Variants in SASH1 observed in about 807,000 individuals in gnomAD.
SASH1 encodes SAM and SH3 domain containing 1.
A neutral mutation model predicts 125.2 loss-of-function variants in SASH1; 44 were observed. That is an observed-to-expected ratio of 0.35 (90% confidence interval 0.28 to 0.45). The LOEUF (loss-of-function observed/expected upper bound fraction) is 0.45. SASH1 is among the 20% of genes least tolerant of loss of function. SASH1 has a pLI of 1.00. For missense variants in SASH1, 1,426 were observed against 1,614.5 expected (o/e 0.88, Z 2.00); for synonymous variants, 639 against 649.1 (o/e 0.98, Z 0.24).
At chr6:148,409,872 G>A (rs1301618071) in intron 2 of SASH1, among the ~76,000 whole-genome samples, 2 of 151,932 alleles carry the variant, frequency 1.3e-5, no homozygotes, top group South Asian at 2.1e-4. Context: ...AGGCAGAGGC[G>A]AGGCTGCAGT....
At chr6:148,488,875 C>T (rs2115212262) in intron 8 of SASH1, among the ~76,000 whole-genome samples, 1 of 152,256 alleles carries the variant, frequency 6.6e-6, no homozygotes, top group East Asian at 1.9e-4. Flanking sequence ...GGATATTAAT[C>T]CCTTATCAGA....
chr6:148,358,021 C>T (rs372420936), intron 1 of SASH1, among the ~76,000 whole-genome samples: 9 of 136,794 alleles, frequency 6.6e-5, no homozygotes, highest in Admixed American at 5.0e-4. Flanking sequence ...GATTGCACCG[C>T]AGCACTCCAG....
chr6:148,412,851 A>T (rs1784681074), intron 2 of SASH1, among the ~76,000 whole-genome samples: 1 of 152,192 alleles, frequency 6.6e-6, no homozygotes, highest in South Asian at 2.1e-4. Context: ...AATACAGAGA[A>T]AGGGTCATAG....
chr6:148,263,800 G>A, the SASH1 span, among the ~76,000 whole-genome samples: 5,453 of 152,230 alleles, frequency 0.036, 225 homozygotes, highest in Admixed American at 0.097. Flanking sequence ...ATCTAACTCC[G>A]TGTTAGAAGG....
the SASH1 span, among the ~76,000 whole-genome samples, chr6:148,214,272 C>A: frequency 6.6e-6 from 1 of 152,236 alleles, no homozygotes; most frequent in South Asian, 2.1e-4. Context: ...AAAAAATAGG[C>A]ATGTTCGTAC....
chr6:148,507,757 C>G (rs561188299), intron 8 of SASH1, among the ~76,000 whole-genome samples: 1 of 152,150 alleles, frequency 6.6e-6, no homozygotes, highest in Admixed American at 6.5e-5. Context: ...TCCTGTGTAG[C>G]TAGGTATTTT....
chr6:148,423,803 C>T (rs997363079), intron 2 of SASH1, among the ~76,000 whole-genome samples: 2 of 152,120 alleles, frequency 1.3e-5, no homozygotes, highest in African/African-American at 4.8e-5. Context: ...AATGTTTGTT[C>T]AGTTGTAGGC....
intron 1 of SASH1, among the ~76,000 whole-genome samples, chr6:148,335,464 CAAAAAAAAA>C (rs534202487): frequency 1.3e-5 from 1 of 79,910 alleles, no homozygotes; most frequent in Non-Finnish European, 2.5e-5. Context: ...GACTCTGTCT[CAAAAAAAAA>C]AAAAAAAAAA....
At position 148,343,148 on chromosome 6, in the gene SASH1, G is replaced by GGAACCGGAGCCC; in HGVS notation, c.82_93dup (p.Glu28_Pro31dup). On this transcript the variant is annotated inframe_insertion, in exon 1 of 20. Coordinates refer to ENST00000367467, the MANE Select transcript of SASH1 (RefSeq NM_015278.5). The stretch of plus-strand genomic sequence containing the variant: ...CGGAGCCCGAGCCCGCGCCGGAGCC[G>GGAACCGGAGCCC]GAACCGGAGCCCAAGCCGGGTGCTG... The GGAACCGGAGCCC allele has an allele frequency of 6.3e-7, 1 of 1,598,610 alleles. No individual in the cohort carries two copies. The highest frequency in any genetic ancestry group is 8.5e-7 in the Non-Finnish European group (1 of 1,178,544).
rs560004050 is a variant in SASH1 at position 148,540,427 on chromosome 6, G to A, written c.2096-16G>A. The A allele has an allele frequency of 1.7e-5, 27 of 1,602,598 alleles. No homozygotes were observed. The highest frequency in any genetic ancestry group is 6.7e-5 in the East Asian group (3 of 44,760). ...TCACTCACCTTGTTGATTTCATGCC[G>A]TGTTCTCTCCTCTAGGTAACAGCGA... On this transcript the variant is annotated splice_polypyrimidine_tract_variant and intron_variant, in intron 16 of 19. Coordinates refer to ENST00000367467, the MANE Select transcript of SASH1 (RefSeq NM_015278.5).
chr6:148,261,602 G>A, the SASH1 span, among the ~76,000 whole-genome samples: 8 of 152,250 alleles, frequency 5.3e-5, no homozygotes, highest in African/African-American at 9.6e-5. Flanking sequence ...ACTTCATAAC[G>A]AGGCCAGCCA....
At chr6:148,501,243 A>AGAAGTCAT (rs1779548260) in intron 8 of SASH1, among the ~76,000 whole-genome samples, 1 of 152,160 alleles carries the variant, frequency 6.6e-6, no homozygotes, top group Non-Finnish European at 1.5e-5. Flanking sequence ...GCCCTGTCGG[A>AGAAGTCAT]GAAGTCATCG....
chr6:148,319,111 C>T (rs1582958922), intron 1 of SASH1, among the ~76,000 whole-genome samples: 1 of 138,352 alleles, frequency 7.2e-6, no homozygotes, highest in South Asian at 2.4e-4. Context: ...CGGCTCACTG[C>T]AAGCTCCGCC....
upstream of SASH1, among the ~76,000 whole-genome samples, chr6:148,267,365 T>TTGTGTGTGTGTGTGTGTGTGTGTGTG (rs200228547): frequency 5.9e-3 from 765 of 130,000 alleles, 16 homozygotes; most frequent in South Asian, 0.014. Flanking sequence ...CAGTACTACT[T>TTGTGTGTGTGTGTGTGTGTGTGTGTG]TGTGTGTGTG....
At chr6:148,476,604 G>A (rs1045210962) in intron 7 of SASH1, among the ~76,000 whole-genome samples, 33 of 152,208 alleles carry the variant, frequency 2.2e-4, no homozygotes, top group Middle Eastern at 3.4e-3. Flanking sequence ...AGCTTGAATC[G>A]GGGAGGCGGA....
At chr6:148,310,469 C>T (rs143203474) in intron 1 of SASH1, among the ~76,000 whole-genome samples, 1 of 149,836 alleles carries the variant, frequency 6.7e-6, no homozygotes, top group Non-Finnish European at 1.5e-5. Context: ...TGTAAAATCA[C>T]TGTGACTGTG....
At chr6:148,520,147 G>A (rs921152652) in intron 10 of SASH1, 12 of 486,816 alleles carry the variant, frequency 2.5e-5, no homozygotes, top group African/African-American at 7.7e-5. Context: ...AGGAGGGTGC[G>A]CGGGCGCACC....
intron 2 of SASH1, among the ~76,000 whole-genome samples, chr6:148,436,638 A>G (rs1476725325): frequency 1.3e-5 from 2 of 152,246 alleles, no homozygotes; most frequent in Non-Finnish European, 2.9e-5. Context: ...CAACCCGTGC[A>G]GCCCTAGCAT....
the SASH1 span, among the ~76,000 whole-genome samples, chr6:148,204,740 A>G: frequency 6.6e-6 from 1 of 152,088 alleles, no homozygotes; most frequent in Non-Finnish European, 1.5e-5. Context: ...GATTCTACAC[A>G]TCACTATAGT....
Sources: allele counts gnomAD v4.1 joint callset (sites outside exome capture counted in the v4.1 genomes callset), GRCh38; gene constraint gnomAD v4.1.1; transcripts MANE v1.5; gene names NCBI Gene and HGNC (gene_info 2026-07-23, HGNC 2026-07-21).